SMOC2: variants seen among roughly 807,000 people sequenced by gnomAD.
The protein encoded by SMOC2 is SPARC related modular calcium binding 2.
A neutral mutation model predicts 61.4 loss-of-function variants in SMOC2; 39 were observed. That is an observed-to-expected ratio of 0.64 (90% CI 0.49 to 0.83). The LOEUF (loss-of-function observed/expected upper bound fraction) is 0.83, where lower values mean the gene tolerates loss of function less well. Ranked by LOEUF, SMOC2 falls within the 40% of genes least tolerant of loss-of-function variation. The probability of loss-of-function intolerance (pLI) is 0.00; values close to 1 mark genes in which losing one functional copy is unlikely to be tolerated. For synonymous variants in SMOC2, 247 were observed against 239.9 expected (o/e 1.03, Z -0.27); for missense variants, 556 against 592.9 (o/e 0.94, Z 0.65).
chr6:168,655,854 C>G (rs975112087), intron 11 of SMOC2, among the ~76,000 whole-genome samples: 2 of 151,476 alleles, frequency 1.3e-5, no homozygotes, highest in Non-Finnish European at 2.9e-5. Flanking sequence ...CGTATGTGCT[C>G]GATCCCTTGC....
chr6:168,566,709 C>T (rs1325377060), intron 7 of SMOC2, among the ~76,000 whole-genome samples: 1 of 151,936 alleles, frequency 6.6e-6, no homozygotes, highest in Non-Finnish European at 1.5e-5. Context: ...TTGTGTTTGC[C>T]AGGATGATCT....
intron 7 of SMOC2, among the ~76,000 whole-genome samples, chr6:168,589,093 AAAAG>A (rs1785114097): frequency 6.6e-6 from 1 of 151,886 alleles, no homozygotes; most frequent in Non-Finnish European, 1.5e-5. Context: ...AAAAAAAAAA[AAAAG>A]GAGTAAATAA....
intron 9 of SMOC2, among the ~76,000 whole-genome samples, chr6:168,639,995 T>C (rs182041098): frequency 6.6e-6 from 1 of 152,268 alleles, no homozygotes; most frequent in Admixed American, 6.5e-5. Context: ...CTGCTTTGCT[T>C]TGGGGGCATA....
At chr6:168,579,273 T>G (rs1374289325) in intron 7 of SMOC2, among the ~76,000 whole-genome samples, 1 of 152,202 alleles carries the variant, frequency 6.6e-6, no homozygotes, top group Non-Finnish European at 1.5e-5. Context: ...AAGCCACTAT[T>G]TTTTCTTTTA....
rs145430028 is a variant in SMOC2 at position 168,502,042 on chromosome 6, A to T, written c.85-7873A>T. Among the ~76,000 whole-genome samples the T allele has an allele frequency of 1.4e-4, 22 of 152,198 alleles. No individual in the cohort carries two copies. The East Asian group carries it at 4.3e-3, about 29-fold the overall frequency. ...CTCTCTCTTCTTGAACTTCTAATTT[A>T]GCTCCCTTTTTACTGCACACTTCTC... On this transcript the variant is annotated intron_variant, in intron 1 of 12. Coordinates refer to ENST00000356284, the MANE Select transcript of SMOC2 (RefSeq NM_001166412.2).
chr6:168,630,162 T>G lies in SMOC2; in HGVS notation c.908-20519T>G, dbSNP rs369596037. 1.6e-4 allele frequency among the ~76,000 whole-genome samples: 24 copies of G among 152,232 alleles called. No homozygotes were observed. In the South Asian group the frequency reaches 5.0e-3, roughly 32 times the overall value. ...GTGGCCACTTCTTGTTAAAGATGTGTGAGGTAGAAAGAAGACAGGCCCTCT... is the reference window on the plus strand; with the variant it reads ...GTGGCCACTTCTTGTTAAAGATGTGGGAGGTAGAAAGAAGACAGGCCCTCT... On this transcript the variant is annotated intron_variant, in intron 9 of 12. Coordinates refer to ENST00000356284, the MANE Select transcript of SMOC2 (RefSeq NM_001166412.2).
chr6:168,444,545 G>A (rs926769394), intron 1 of SMOC2, among the ~76,000 whole-genome samples: 1 of 152,008 alleles, frequency 6.6e-6, no homozygotes, highest in Non-Finnish European at 1.5e-5. Context: ...ACAACTTCCT[G>A]GTTATTGCTC....
chr6:168,458,152 G>A (rs1781631257), intron 1 of SMOC2, among the ~76,000 whole-genome samples: 1 of 152,230 alleles, frequency 6.6e-6, no homozygotes, highest in Non-Finnish European at 1.5e-5. Flanking sequence ...GCTTCAGGGT[G>A]TGGGGACCGT....
intron 9 of SMOC2, among the ~76,000 whole-genome samples, chr6:168,610,727 G>A (rs1785836722): frequency 1.3e-5 from 2 of 152,162 alleles, no homozygotes; most frequent in Admixed American, 6.5e-5. Context: ...CAGGTGTTTG[G>A]CAGCAAACGA....
chr6:168,540,190 G>A (rs964964733), intron 4 of SMOC2, among the ~76,000 whole-genome samples: 1 of 152,256 alleles, frequency 6.6e-6, no homozygotes, highest in African/African-American at 2.4e-5. Context: ...CACGTGACAG[G>A]TGTGTATGAG....
intron 1 of SMOC2, 67 bp downstream of exon 1, chr6:168,441,521 T>G: frequency 1.4e-6 from 2 of 1,423,222 alleles, no homozygotes; most frequent in East Asian, 3.1e-5. Flanking sequence ...CGGGTTCGGG[T>G]CCCCGCGCCC....
chr6:168,515,460 CT>C (rs5881793), intron 2 of SMOC2, among the ~76,000 whole-genome samples: 136,327 of 152,222 alleles, frequency 0.9, 61,967 homozygotes, highest in East Asian at 1. Flanking sequence ...CCGCTTTCCG[CT>C]CCACGAGTTG....
At chr6:168,559,239 T>G (rs2115120919) in intron 7 of SMOC2, among the ~76,000 whole-genome samples, 1 of 152,204 alleles carries the variant, frequency 6.6e-6, no homozygotes, top group Non-Finnish European at 1.5e-5. Context: ...GTGGATCACC[T>G]GAGGTCAGGA....
intron 1 of SMOC2, among the ~76,000 whole-genome samples, chr6:168,504,875 T>C (rs752501466): frequency 6.6e-6 from 1 of 151,992 alleles, no homozygotes; most frequent in Non-Finnish European, 1.5e-5. Context: ...GGTCTGACTT[T>C]TGAGCTAACT....
At chr6:168,507,128 G>GA (rs1306255761) in intron 1 of SMOC2, among the ~76,000 whole-genome samples, 2 of 152,036 alleles carry the variant, frequency 1.3e-5, no homozygotes, top group African/African-American at 4.8e-5. Flanking sequence ...TTTTATTTGA[G>GA]AAAAAATGTC....
intron 9 of SMOC2, among the ~76,000 whole-genome samples, chr6:168,636,770 T>C (rs1786733262): frequency 6.6e-6 from 1 of 152,226 alleles, no homozygotes; most frequent in South Asian, 2.1e-4. Flanking sequence ...TAAAGAGAGC[T>C]GGTGGCCGAG....
chr6:168,616,621 G>A (rs2115224193), intron 9 of SMOC2, among the ~76,000 whole-genome samples: 1 of 152,310 alleles, frequency 6.6e-6, no homozygotes, highest in Non-Finnish European at 1.5e-5. Flanking sequence ...GTCTAAATAT[G>A]AAATTTGCCC....
At chr6:168,568,562 T>TA (rs2115137119) in intron 7 of SMOC2, among the ~76,000 whole-genome samples, 1 of 152,274 alleles carries the variant, frequency 6.6e-6, no homozygotes, top group African/African-American at 2.4e-5. Context: ...GTACCCCCCA[T>TA]CATAGTGTCA....
chr6:168,518,986 T>C (rs1422454052), intron 2 of SMOC2, among the ~76,000 whole-genome samples: 1 of 151,280 alleles, frequency 6.6e-6, no homozygotes, highest in Non-Finnish European at 1.5e-5. Flanking sequence ...TATGCATGCG[T>C]GTGTATGCGT....
Sources: allele counts gnomAD v4.1 joint callset (sites outside exome capture counted in the v4.1 genomes callset), GRCh38; gene constraint gnomAD v4.1.1; transcripts MANE v1.5; gene names NCBI Gene and HGNC (gene_info 2026-07-23, HGNC 2026-07-21).